GPHN: variants seen among roughly 807,000 people sequenced by gnomAD.
GPHN encodes the protein gephyrin.
In GPHN, 17 loss-of-function variants were observed where a neutral mutation model predicts 95.5. The ratio of observed to expected loss-of-function variants is 0.18; its 90% CI spans 0.12 to 0.27. The LOEUF (loss-of-function observed/expected upper bound fraction) is 0.27. Ranked by LOEUF, GPHN falls within the 10% of genes least tolerant of loss-of-function variation. The pLI, the probability that GPHN is intolerant of heterozygous loss-of-function variation, is 1.00. For missense variants in GPHN, 660 were observed against 978.1 expected (o/e 0.67, Z 4.34); for synonymous variants, 320 against 322.5 (o/e 0.99, Z 0.08).
At chr14:67,363,124 G>A in the GPHN span, among the ~76,000 whole-genome samples, 1 of 152,090 alleles carries the variant, frequency 6.6e-6, no homozygotes, top group East Asian at 1.9e-4. Flanking sequence ...CTGTAACATA[G>A]TTTATTTTTA....
chr14:67,314,951 T>A, the GPHN span, among the ~76,000 whole-genome samples: 1 of 151,946 alleles, frequency 6.6e-6, no homozygotes, highest in Admixed American at 6.6e-5. Context: ...CTACAAAAAA[T>A]TTAAAAATTA....
intron 11 of GPHN, among the ~76,000 whole-genome samples, chr14:67,082,569 C>T (rs777945650): frequency 3.9e-5 from 6 of 152,196 alleles, no homozygotes; most frequent in South Asian, 4.2e-4. Flanking sequence ...AAACATGACT[C>T]CTCCAACTTT....
Position 67,171,821 on chromosome 14 carries a change from C to T in GPHN, c.2079+2785C>T, listed in dbSNP as rs181170415. ...GAAGGAAACACCAGGCCTCCACCAT[C>T]GCATCCCCCAGCTGGATCAGCTGGG... On this transcript the variant is annotated intron_variant, in intron 21 of 22. Coordinates refer to ENST00000478722, the MANE Select transcript of GPHN (RefSeq NM_020806.5). 7.9e-5 allele frequency among the ~76,000 whole-genome samples: 12 copies of T among 152,274 alleles called. No homozygotes were observed. In the East Asian group the frequency reaches 2.1e-3, roughly 27 times the overall value.
At chr14:67,314,530 A>T in the GPHN span, among the ~76,000 whole-genome samples, 1 of 152,204 alleles carries the variant, frequency 6.6e-6, no homozygotes, top group South Asian at 2.1e-4. Context: ...CTTCAGAGTA[A>T]CAGTTACAGG....
chr14:67,397,685 AG>A, the GPHN span: 1 of 1,612,838 alleles, frequency 6.2e-7, no homozygotes, highest in Non-Finnish European at 8.5e-7. Context: ...TACTCCAGGC[AG>A]GGGCAGGTGA....
chr14:66,960,602 C>T (rs1344955416), intron 8 of GPHN, among the ~76,000 whole-genome samples: 2 of 151,994 alleles, frequency 1.3e-5, no homozygotes, highest in Non-Finnish European at 2.9e-5. Context: ...ATAATAAAAA[C>T]AAAACAAACA....
At chr14:67,088,509 G>A (rs2076998868) in intron 11 of GPHN, among the ~76,000 whole-genome samples, 1 of 151,908 alleles carries the variant, frequency 6.6e-6, no homozygotes, top group African/African-American at 2.4e-5. Context: ...TCTTATTTAA[G>A]TACCTATATT....
Position 66,895,365 on chromosome 14 carries a change from C to T in GPHN, c.389+15332C>T, listed in dbSNP as rs974063529. ...ACACACCGGGGCCTGTTGTGGGATG[C>T]GGGGAGCGGGGAGGGAAAGCATTAG... On this transcript the variant is annotated intron_variant, in intron 5 of 22. Coordinates refer to ENST00000478722, the MANE Select transcript of GPHN (RefSeq NM_020806.5). Among the ~76,000 whole-genome samples the T allele has an allele frequency of 4.6e-5, 7 of 152,036 alleles. No homozygotes were observed. In the South Asian group the frequency reaches 6.2e-4, roughly 14 times the overall value.
the GPHN span, among the ~76,000 whole-genome samples, chr14:67,699,786 G>A: frequency 6.6e-6 from 1 of 152,050 alleles, no homozygotes; most frequent in Non-Finnish European, 1.5e-5. Context: ...TTTGTAATAT[G>A]ATTGTTTTTC....
chr14:66,746,588 G>T lies in GPHN; in HGVS notation c.144-29876G>T, dbSNP rs1392326367. Among the ~76,000 whole-genome samples the T allele has an allele frequency of 6.4e-3, 970 of 152,250 alleles. 13 individuals are homozygous for T. Among genetic ancestry groups the T allele is most frequent in the African/African-American group, 0.022 (923 of 41,540 alleles). The stretch of plus-strand genomic sequence containing the variant: ...CCATAAATGGGCAGATCCAGGGTGA[G>T]TAAAAGTTCAAAACAACTTTATGTA... On this transcript the variant is annotated intron_variant, in intron 2 of 22. Transcript: ENST00000478722.
the GPHN span, among the ~76,000 whole-genome samples, chr14:67,581,261 C>T: frequency 2.1e-5 from 3 of 140,510 alleles, no homozygotes; most frequent in Non-Finnish European, 4.7e-5. Context: ...ACTGCGTGTG[C>T]GTGTGTGTAT....
the GPHN span, chr14:67,615,463 G>T: frequency 3.3e-6 from 1 of 301,844 alleles, no homozygotes; most frequent in South Asian, 3.7e-5. Context: ...TCTGTGCCTC[G>T]CTGAGGAAAA....
chr14:67,516,702 G>A, the GPHN span, among the ~76,000 whole-genome samples: 1 of 152,200 alleles, frequency 6.6e-6, no homozygotes, highest in African/African-American at 2.4e-5. Flanking sequence ...ATCAACAAAG[G>A]TGCCTCTCAA....
chr14:66,564,336 A>G (rs1182120248), intron 1 of GPHN, among the ~76,000 whole-genome samples: 2 of 152,212 alleles, frequency 1.3e-5, no homozygotes, highest in Non-Finnish European at 2.9e-5. Context: ...TTGAATATCA[A>G]AAAACTTGGA....
At chr14:67,446,875 T>G in the GPHN span, among the ~76,000 whole-genome samples, 1 of 146,670 alleles carries the variant, frequency 6.8e-6, no homozygotes, top group Non-Finnish European at 1.5e-5. Context: ...TAAAAGAAAG[T>G]TTTTTTTTTT....
In GPHN at chr14:66,723,918, A is replaced by G. The variant is rs111891817; in HGVS notation, c.143+42733A>G. The stretch of plus-strand genomic sequence containing the variant: ...ACTGATTTTTCTTTACATCAATTAA[A>G]TGGAGCCCTTTTGTATAATTTTCTA... On this transcript the variant is annotated intron_variant, in intron 2 of 22. Transcript: ENST00000478722. Among the ~76,000 whole-genome samples the G allele has an allele frequency of 7.9e-5, 12 of 152,032 alleles. 2 individuals carry two copies. The highest frequency in any genetic ancestry group is 2.9e-4 in the African/African-American group (12 of 41,450).
At chr14:66,530,385 C>T (rs1322215983) in intron 1 of GPHN, among the ~76,000 whole-genome samples, 1 of 152,166 alleles carries the variant, frequency 6.6e-6, no homozygotes, top group Non-Finnish European at 1.5e-5. Flanking sequence ...TGCTGGGCTC[C>T]TTGGGGGTGG....
At chr14:66,956,727 G>A (rs970196695) in intron 8 of GPHN, among the ~76,000 whole-genome samples, 5 of 151,852 alleles carry the variant, frequency 3.3e-5, no homozygotes, top group Admixed American at 2.0e-4. Context: ...CTTTTTGATG[G>A]GGTTGTTTGT....
chr14:67,301,900 C>T, the GPHN span: 2 of 1,466,026 alleles, frequency 1.4e-6, no homozygotes, highest in Admixed American at 4.6e-5. Context: ...ATACTATGTA[C>T]ATAGGTTAAA....
Sources: allele counts gnomAD v4.1 joint callset (sites outside exome capture counted in the v4.1 genomes callset), GRCh38; gene constraint gnomAD v4.1.1; transcripts MANE v1.5; gene names NCBI Gene and HGNC (gene_info 2026-07-23, HGNC 2026-07-21).